PDZD9: variants seen among roughly 807,000 people sequenced by gnomAD.
PDZD9 encodes the protein PDZ domain containing 9, also known as PDZ domain-containing protein 9.
Under a neutral mutation model 16.3 loss-of-function variants are expected in PDZD9, and 13 were observed. The ratio of observed to expected loss-of-function variants is 0.80; its 90% CI spans 0.52 to 1.27. The LOEUF (loss-of-function observed/expected upper bound fraction) is 1.27. Ranked by LOEUF, PDZD9 falls within the 50% of genes most tolerant of loss-of-function variation. The pLI is 0.00. For missense variants in PDZD9, 288 were observed against 310.9 expected (o/e 0.93, Z 0.55); for synonymous variants, 120 against 111.0 (o/e 1.08, Z -0.51).
chr16:21,974,796 T>A, the PDZD9 span, among the ~76,000 whole-genome samples: 1 of 152,188 alleles, frequency 6.6e-6, no homozygotes, highest in African/African-American at 2.4e-5. Context: ...GAGAAAGGAA[T>A]ACTTGGGATC....
At chr16:21,958,438 C>T in the PDZD9 span, 2 of 1,079,460 alleles carry the variant, frequency 1.9e-6, no homozygotes, top group African/African-American at 1.6e-5. Flanking sequence ...TAGTAAAATT[C>T]TTTTTAAATC....
chr16:21,992,277 A>G (rs746294568), intron 2 of PDZD9, among the ~76,000 whole-genome samples: 1 of 152,194 alleles, frequency 6.6e-6, no homozygotes, highest in Non-Finnish European at 1.5e-5. Context: ...AAAAGATAAT[A>G]GATGGGGAAA....
In PDZD9 at chr16:21,984,142, G is replaced by T. The variant is rs1472810220; in HGVS notation, c.*125C>A. The T allele has an allele frequency of 7.8e-6, 8 of 1,029,970 alleles. No homozygotes were observed. The highest frequency in any genetic ancestry group is 1.6e-5 in the African/African-American group (1 of 62,104). 63.8% of individuals were successfully genotyped at this position (1,029,970 alleles called of 1,614,324 possible). A position where few individuals can be genotyped will look rare whatever the true frequency, so the allele number is the denominator to read the frequency against. Reference sequence around the variant, plus strand: ...AGAACATCTCTAAAGGCTTTATAACGCAGTCATAAGAGAAGAGAATTGGTG... The same window carrying T: ...AGAACATCTCTAAAGGCTTTATAACTCAGTCATAAGAGAAGAGAATTGGTG... On this transcript the variant is annotated 3_prime_UTR_variant, in exon 4 of 4. Coordinates refer to ENST00000424898, the MANE Select transcript of PDZD9 (RefSeq NM_001363519.1).
At chr16:21,970,534 A>G in the PDZD9 span, among the ~76,000 whole-genome samples, 1 of 152,218 alleles carries the variant, frequency 6.6e-6, no homozygotes, top group African/African-American at 2.4e-5. Flanking sequence ...CCTAATGACA[A>G]ATGACATTGA....
At chr16:21,995,894 C>T (rs186730796) in intron 2 of PDZD9, among the ~76,000 whole-genome samples, 17 of 152,296 alleles carry the variant, frequency 1.1e-4, no homozygotes, top group Admixed American at 5.9e-4. Flanking sequence ...TGGGTACAAG[C>T]GATTCTCCTG....
At chr16:21,963,853 G>C in the PDZD9 span, among the ~76,000 whole-genome samples, 8 of 152,088 alleles carry the variant, frequency 5.3e-5, no homozygotes, top group African/African-American at 1.7e-4. Context: ...CTATTGTATT[G>C]CTATTATTGT....
chr16:21,999,309 G>T, intron 1 of PDZD9: 1 of 222,146 alleles, frequency 4.5e-6, no homozygotes, highest in South Asian at 8.3e-5. Context: ...TGTTGAAAGT[G>T]AGATCTTCAA....
chr16:21,964,228 A>G, the PDZD9 span, among the ~76,000 whole-genome samples: 1 of 152,130 alleles, frequency 6.6e-6, no homozygotes, highest in African/African-American at 2.4e-5. Context: ...GAATAGTACA[A>G]TTTTAGAAAA....
chr16:22,000,904 G>A (rs1393180825), intron 1 of PDZD9, 113 bp downstream of exon 1: 2 of 976,910 alleles, frequency 2.0e-6, no homozygotes, highest in African/African-American at 1.6e-5. Context: ...AACAACGATG[G>A]AGAGAGGTTA....
At chr16:21,967,955 C>T in the PDZD9 span, among the ~76,000 whole-genome samples, 12 of 150,920 alleles carry the variant, frequency 8.0e-5, no homozygotes, top group Non-Finnish European at 1.3e-4. Flanking sequence ...TCATAGTCCA[C>T]GTTTTCAAGT....
chr16:21,976,360 A>T, the PDZD9 span: 1 of 891,090 alleles, frequency 1.1e-6, no homozygotes, highest in South Asian at 1.6e-5. Flanking sequence ...AGAAAAGCGT[A>T]AAAAGGGAAA....
At chr16:21,990,947 T>C (rs1899006904) in intron 2 of PDZD9, among the ~76,000 whole-genome samples, 1 of 152,202 alleles carries the variant, frequency 6.6e-6, no homozygotes, top group Non-Finnish European at 1.5e-5. Context: ...CCTTTTTTTT[T>C]CTGTTTTAAT....
the PDZD9 span, chr16:21,973,896 G>GT: frequency 6.2e-7 from 1 of 1,612,308 alleles, no homozygotes; most frequent in Non-Finnish European, 8.5e-7. Context: ...TATCTTTCAG[G>GT]TTTCTGCATT....
the PDZD9 span, chr16:21,965,422 T>C: frequency 6.2e-7 from 1 of 1,613,926 alleles, no homozygotes. Flanking sequence ...CATTGAAAAT[T>C]TGCATGCAGC....
At chr16:21,972,008 T>C in the PDZD9 span, 1 of 1,614,142 alleles carries the variant, frequency 6.2e-7, no homozygotes. Flanking sequence ...CAGAGGCAAA[T>C]GCATTTAGTG....
chr16:21,973,039 T>A, the PDZD9 span, among the ~76,000 whole-genome samples: 1 of 152,134 alleles, frequency 6.6e-6, no homozygotes, highest in Non-Finnish European at 1.5e-5. Context: ...GGCGGAGGAT[T>A]CAGTAAGCTG....
intron 2 of PDZD9, among the ~76,000 whole-genome samples, chr16:21,990,158 T>C (rs985613174): frequency 6.6e-6 from 1 of 152,214 alleles, no homozygotes; most frequent in Non-Finnish European, 1.5e-5. Flanking sequence ...GAACCCTGGC[T>C]GCTACAACGG....
downstream of PDZD9, among the ~76,000 whole-genome samples, chr16:21,979,939 A>G (rs1898675532): frequency 6.6e-6 from 1 of 152,242 alleles, no homozygotes; most frequent in Non-Finnish European, 1.5e-5. Flanking sequence ...GATATGCAGT[A>G]CATGAGATAA....
At chr16:21,961,626 TTATATATATATATATATATATA>T in the PDZD9 span, among the ~76,000 whole-genome samples, 79 of 64,484 alleles carry the variant, frequency 1.2e-3, 6 homozygotes, top group South Asian at 8.9e-3. Context: ...AACATAAAAT[TTATATATATATATATATATATA>T]TATATATATA....
Sources: gnomAD v4.1 joint callset for allele counts (sites outside exome capture counted in the v4.1 genomes callset) on GRCh38, gnomAD v4.1.1 for gene constraint, MANE v1.5 for transcripts, NCBI Gene and HGNC (gene_info 2026-07-23, HGNC 2026-07-21) for gene names.